The following HSD17B2 variants were observed in gnomAD, a reference collection of about 807,000 sequenced individuals.
HSD17B2 encodes the protein 17-beta-hydroxysteroid dehydrogenase type 2.
In HSD17B2, 32 loss-of-function variants were observed where a neutral mutation model predicts 26.9. That is an observed-to-expected ratio of 1.19 (90% CI 0.90 to 1.60). HSD17B2 has a LOEUF of 1.60. HSD17B2 is among the 40% of genes most tolerant of loss of function. The pLI is 0.00. For synonymous variants in HSD17B2, 246 were observed against 186.7 expected, an observed-to-expected ratio of 1.32 and a Z score of -2.59; for missense variants, 613 against 468.6, an observed-to-expected ratio of 1.31 and a Z score of -2.85.
At chr16:82,094,807 G>A (rs548152679) in intron 4 of HSD17B2, 3 of 152,160 alleles carry the variant, frequency 2.0e-5, no homozygotes, top group Middle Eastern at 3.2e-3. Context: ...CAGATTTTAA[G>A]TGCTTTATGT....
chr16:82,066,750 G>A (rs1385597407), intron 1 of HSD17B2, among the ~76,000 whole-genome samples: 1 of 151,624 alleles, frequency 6.6e-6, no homozygotes, highest in East Asian at 1.9e-4. Context: ...TTATTATACT[G>A]CAAATTATTT....
intron 3 of HSD17B2, among the ~76,000 whole-genome samples, chr16:82,083,372 C>G (rs1459096062): frequency 6.6e-6 from 1 of 151,990 alleles, no homozygotes; most frequent in African/African-American, 2.4e-5. Flanking sequence ...GGATGCCAGG[C>G]AAGCAGAATG....
chr16:82,057,424 C>T (rs1390858585), intron 1 of HSD17B2, among the ~76,000 whole-genome samples: 1 of 152,174 alleles, frequency 6.6e-6, no homozygotes, highest in Non-Finnish European at 1.5e-5. Context: ...CTCTCGATTT[C>T]CTGACCTCGT....
intron 2 of HSD17B2, among the ~76,000 whole-genome samples, chr16:82,070,188 A>G (rs1325062826): frequency 1.3e-5 from 2 of 151,852 alleles, no homozygotes; most frequent in East Asian, 3.9e-4. Flanking sequence ...CCTGCATCCC[A>G]CAGCTCAGAC....
In HSD17B2 at chr16:82,066,434, T is replaced by C. The variant is rs8191121; in HGVS notation, c.266-1736T>C. 1.5e-3 allele frequency among the ~76,000 whole-genome samples: 222 copies of C among 152,272 alleles called. 2 individuals are homozygous for C. Among genetic ancestry groups the C allele is most frequent in the Middle Eastern group, 0.014 (4 of 292 alleles). Reference sequence around the variant, plus strand: ...TGGCAGTGTTCGCACATGCCAACCATGCTAGGATCTCTCTCTCTTCCACCT... The same window carrying C: ...TGGCAGTGTTCGCACATGCCAACCACGCTAGGATCTCTCTCTCTTCCACCT... On this transcript the variant is annotated intron_variant, in intron 1 of 4. Transcript: ENST00000199936.
chr16:82,071,145 C>T lies in HSD17B2; in HGVS notation c.664+18C>T. 1.2e-6 allele frequency: 2 copies of T among 1,612,276 alleles called. No individual in the cohort carries two copies. Among genetic ancestry groups the T allele is most frequent in the Non-Finnish European group, 1.7e-6 (2 of 1,178,448 alleles). On this transcript the variant is annotated intron_variant, in intron 3 of 4. Coordinates refer to ENST00000199936, the MANE Select transcript of HSD17B2 (RefSeq NM_002153.3). ...CATGGGAGGTGAGTCAGCATTTTCACACATGGTCATGGGGTGCCCATCACA... is the reference window on the plus strand; with the variant it reads ...CATGGGAGGTGAGTCAGCATTTTCATACATGGTCATGGGGTGCCCATCACA...
chr16:82,059,777 C>G (rs748938633), intron 1 of HSD17B2, among the ~76,000 whole-genome samples: 1 of 152,170 alleles, frequency 6.6e-6, no homozygotes, highest in African/African-American at 2.4e-5. Context: ...ACGGCTGACT[C>G]TACCACATTC....
At chr16:82,092,683 G>T (rs1025911949) in intron 4 of HSD17B2, 2 of 152,362 alleles carry the variant, frequency 1.3e-5, no homozygotes, top group African/African-American at 4.8e-5. Flanking sequence ...CAGAGAAGAT[G>T]AAGTCTTGAG....
At chr16:82,047,094 A>T (rs908671775) in intron 1 of HSD17B2, among the ~76,000 whole-genome samples, 1 of 152,178 alleles carries the variant, frequency 6.6e-6, no homozygotes, top group Non-Finnish European at 1.5e-5. Context: ...TCCTTACCCC[A>T]TAGCACCAGA....
chr16:82,062,439 C>G (rs928015734), intron 1 of HSD17B2, among the ~76,000 whole-genome samples: 1 of 152,230 alleles, frequency 6.6e-6, no homozygotes, highest in Non-Finnish European at 1.5e-5. Context: ...TTCTAGTGCC[C>G]TCTTCAATGC....
intron 1 of HSD17B2, among the ~76,000 whole-genome samples, chr16:82,065,007 T>C (rs1189049949): frequency 6.6e-6 from 1 of 152,250 alleles, no homozygotes; most frequent in Non-Finnish European, 1.5e-5. Flanking sequence ...TGGTTGACTC[T>C]GGTCCAATCA....
At chr16:82,041,073 G>A (rs901020051) in intron 1 of HSD17B2, among the ~76,000 whole-genome samples, 3 of 152,274 alleles carry the variant, frequency 2.0e-5, no homozygotes, top group African/African-American at 7.2e-5. Flanking sequence ...GTGAAAGTTT[G>A]AACAATGATT....
intron 3 of HSD17B2, among the ~76,000 whole-genome samples, chr16:82,080,556 C>T (rs1904351944): frequency 3.3e-5 from 5 of 152,166 alleles, no homozygotes; most frequent in Admixed American, 3.3e-4. Flanking sequence ...CTGCTGACTC[C>T]TTGATTTTAT....
At chr16:82,090,302 GTTTTTTTTTTTTTTTTT>G (rs35272646) in intron 3 of HSD17B2, 13 of 40,094 alleles carry the variant, frequency 3.2e-4, no homozygotes, top group South Asian at 1.2e-3. Flanking sequence ...AAACTACATT[GTTTTTTTTTTTTTTTTT>G]TTTTTTTTTT....
intron 3 of HSD17B2, among the ~76,000 whole-genome samples, chr16:82,073,132 C>A (rs1914734806): frequency 6.6e-6 from 1 of 152,110 alleles, no homozygotes; most frequent in Non-Finnish European, 1.5e-5. Flanking sequence ...TCTTTCCAAG[C>A]CAGAACTTCT....
intron 1 of HSD17B2, among the ~76,000 whole-genome samples, chr16:82,042,513 T>C (rs892257995): frequency 6.6e-6 from 1 of 152,250 alleles, no homozygotes; most frequent in African/African-American, 2.4e-5. Context: ...CACTTTGCCA[T>C]TTTTGTGGTA....
At chr16:82,071,403 T>C (rs1914695763) in intron 3 of HSD17B2, 2 of 489,770 alleles carry the variant, frequency 4.1e-6, no homozygotes, top group African/African-American at 3.9e-5. Flanking sequence ...CCAACACACA[T>C]GGTTGGTAGA....
rs1914625940 is a variant in HSD17B2 at position 82,068,513 on chromosome 16, C to A, written c.478+131C>A. 10 of 714,990 alleles carry A rather than the reference C, an allele frequency of 1.4e-5. No homozygotes were observed. In the South Asian group the frequency reaches 1.7e-4, roughly 12 times the overall value. The allele number at this position is 714,990 out of a possible 1,614,324, so 44.3% of individuals were successfully genotyped here. A position where few individuals can be genotyped will look rare whatever the true frequency, so the allele number is the denominator to read the frequency against. On this transcript the variant is annotated intron_variant, in intron 2 of 4. Transcript: ENST00000199936. ...GCCCTGAAGCACACCTGTGCTGAACCCCTACCATGTGTGGGGGCCTCTATC... is the reference window on the plus strand; with the variant it reads ...GCCCTGAAGCACACCTGTGCTGAACACCTACCATGTGTGGGGGCCTCTATC...
At chr16:82,072,925 C>T (rs1914729608) in intron 3 of HSD17B2, among the ~76,000 whole-genome samples, 1 of 152,136 alleles carries the variant, frequency 6.6e-6, no homozygotes, top group African/African-American at 2.4e-5. Context: ...ACAAACCAGG[C>T]ATTGTGGCAT....
Sources: allele counts gnomAD v4.1 joint callset (sites outside exome capture counted in the v4.1 genomes callset), GRCh38; gene constraint gnomAD v4.1.1; transcripts MANE v1.5; gene names NCBI Gene and HGNC (gene_info 2026-07-23, HGNC 2026-07-21).